Variants in NAT1 observed in about 807,000 individuals in gnomAD.
NAT1 encodes arylamine N-acetyltransferase 1.
For synonymous variants in NAT1, 144 were observed against 122.6 expected (o/e 1.17, Z -1.16); for missense variants, 400 against 339.2 (o/e 1.18, Z -1.41).
At chr8:18,194,582 A>C (rs996725098) in intron 2 of NAT1, among the ~76,000 whole-genome samples, 3 of 152,038 alleles carry the variant, frequency 2.0e-5, no homozygotes, top group African/African-American at 7.2e-5. Flanking sequence ...GTACTTTGGG[A>C]GGCTGAGGCA....
At chr8:18,196,662 C>T (rs1021734821) in intron 2 of NAT1, among the ~76,000 whole-genome samples, 1 of 152,068 alleles carries the variant, frequency 6.6e-6, no homozygotes, top group African/African-American at 2.4e-5. Context: ...TTTTTCTCTC[C>T]CTTCTGGGAA....
chr8:18,179,456 G>A (rs556275353), intron 2 of NAT1, among the ~76,000 whole-genome samples: 16 of 152,212 alleles, frequency 1.1e-4, no homozygotes, highest in Non-Finnish European at 1.5e-4. Flanking sequence ...GCCTGGAAGT[G>A]GCATGCATCA....
chr8:18,171,192 T>C (rs1802084881), intron 2 of NAT1, among the ~76,000 whole-genome samples: 2 of 152,168 alleles, frequency 1.3e-5, no homozygotes, highest in African/African-American at 2.4e-5. Context: ...TGTAGATAGG[T>C]AGAGTTAGCC....
intron 2 of NAT1, among the ~76,000 whole-genome samples, chr8:18,204,086 T>C (rs955859337): frequency 6.6e-6 from 1 of 152,210 alleles, no homozygotes; most frequent in Non-Finnish European, 1.5e-5. Flanking sequence ...GAGCCCTTTG[T>C]AAATCAGACA....
At chr8:18,179,289 A>G (rs892128342) in intron 2 of NAT1, among the ~76,000 whole-genome samples, 2 of 152,168 alleles carry the variant, frequency 1.3e-5, no homozygotes, top group Non-Finnish European at 2.9e-5. Flanking sequence ...TCACTTGATA[A>G]TAGCAGCAGA....
intron 2 of NAT1, among the ~76,000 whole-genome samples, chr8:18,175,136 T>A (rs928575715): frequency 1.3e-5 from 2 of 152,140 alleles, no homozygotes; most frequent in Non-Finnish European, 2.9e-5. Context: ...TGTGATGTTT[T>A]GATCTATGTA....
intron 1 of NAT1, among the ~76,000 whole-genome samples, chr8:18,218,482 T>G (rs1353793779): frequency 6.6e-6 from 1 of 152,148 alleles, no homozygotes; most frequent in African/African-American, 2.4e-5. Context: ...TGAGATCATT[T>G]TATTAGACGC....
upstream of NAT1, among the ~76,000 whole-genome samples, chr8:18,207,879 T>G (rs569869164): frequency 2.0e-5 from 3 of 152,338 alleles, no homozygotes; most frequent in East Asian, 3.9e-4. Flanking sequence ...TGCCTGTCAT[T>G]GGCAGACTAA....
chr8:18,208,658 T>A (rs574457996), upstream of NAT1, among the ~76,000 whole-genome samples: 46 of 152,320 alleles, frequency 3.0e-4, no homozygotes, highest in Middle Eastern at 3.4e-3. Context: ...AGACAGAGTC[T>A]ACCTCCTTAG....
chr8:18,174,580 C>T (rs1288605435), intron 2 of NAT1, among the ~76,000 whole-genome samples: 1 of 152,100 alleles, frequency 6.6e-6, no homozygotes, highest in Admixed American at 6.6e-5. Context: ...GGACCTTCAA[C>T]TTAACAAATA....
intron 2 of NAT1, among the ~76,000 whole-genome samples, chr8:18,171,439 G>A (rs1233942635): frequency 1.3e-5 from 2 of 152,102 alleles, no homozygotes; most frequent in African/African-American, 4.8e-5. Flanking sequence ...ACAGACTAAG[G>A]ACATGAAGAA....
chr8:18,181,579 C>G (rs1802520931), intron 2 of NAT1, among the ~76,000 whole-genome samples: 1 of 152,130 alleles, frequency 6.6e-6, no homozygotes, highest in African/African-American at 2.4e-5. Context: ...TCTGATTACT[C>G]TGGCTACAAC....
chr8:18,200,251 T>C (rs568550722), intron 2 of NAT1, among the ~76,000 whole-genome samples: 9 of 152,310 alleles, frequency 5.9e-5, no homozygotes, highest in South Asian at 4.1e-4. Flanking sequence ...CACGTGTTCA[T>C]TGCAGCACTA....
chr8:18,216,894 A>G (rs775174085), intron 1 of NAT1: 3 of 1,550,256 alleles, frequency 1.9e-6, no homozygotes, highest in South Asian at 1.2e-5. Context: ...CAGAAGGGCC[A>G]TGCTGTTATT....
upstream of NAT1, among the ~76,000 whole-genome samples, chr8:18,205,127 T>C (rs1245439978): frequency 6.6e-6 from 1 of 152,186 alleles, no homozygotes; most frequent in Non-Finnish European, 1.5e-5. Flanking sequence ...CATTTCATAG[T>C]GCGGTTACAG....
intron 2 of NAT1, among the ~76,000 whole-genome samples, chr8:18,175,673 A>G (rs1163960918): frequency 2.0e-5 from 3 of 152,156 alleles, no homozygotes; most frequent in Non-Finnish European, 4.4e-5. Flanking sequence ...TGAAATGAAC[A>G]TGGGAGTACA....
intron 2 of NAT1, among the ~76,000 whole-genome samples, chr8:18,172,124 A>C (rs968633477): frequency 6.6e-6 from 1 of 152,190 alleles, no homozygotes; most frequent in Non-Finnish European, 1.5e-5. Context: ...GTGTAGCGTC[A>C]CAAGTAACAA....
rs191060313 is a variant in NAT1 at position 18,190,347 on chromosome 8, G to A, written n.93-19434G>A. On this transcript the variant is annotated intron_variant and non_coding_transcript_variant, in intron 2 of 4. Transcript: ENST00000517441. ...TGCAGAGCATAATTTCAGAGGAGGC[G>A]GTATTCACTGATGAAGTCCTGGGCA... Among the ~76,000 whole-genome samples the A allele has an allele frequency of 1.1e-3, 160 of 152,292 alleles. 1 individual carries two copies. Among genetic ancestry groups the A allele is most frequent in the African/African-American group, 1.6e-3 (66 of 41,546 alleles).
At chr8:18,220,187 C>T (rs996498626) in intron 2 of NAT1, among the ~76,000 whole-genome samples, 3 of 151,964 alleles carry the variant, frequency 2.0e-5, no homozygotes, top group African/African-American at 2.4e-5. Flanking sequence ...CCAAATGTTA[C>T]GAAAGGGTGC....
Sources: allele counts gnomAD v4.1 joint callset (sites outside exome capture counted in the v4.1 genomes callset), GRCh38; gene constraint gnomAD v4.1.1; transcripts MANE v1.5; gene names NCBI Gene and HGNC (gene_info 2026-07-23, HGNC 2026-07-21).